Variants in PM20D1 observed in about 807,000 individuals in gnomAD.
PM20D1 encodes the protein peptidase M20 domain containing 1.
Under a neutral mutation model 53.8 loss-of-function variants are expected in PM20D1, and 53 were observed. The observed-to-expected ratio is 0.98, with a 90% CI of 0.79 to 1.24. PM20D1 has a LOEUF of 1.24. Among genes scored for constraint, PM20D1 ranks in the 50% most tolerant of loss-of-function variants. The pLI, the probability that PM20D1 is intolerant of heterozygous loss-of-function variation, is 0.00. For missense variants in PM20D1, 564 were observed against 616.8 expected, an observed-to-expected ratio of 0.91 and a Z score of 0.91; for synonymous variants, 239 against 241.3, an observed-to-expected ratio of 0.99 and a Z score of 0.09.
At position 205,828,569 on chromosome 1, in the gene PM20D1, G is replaced by A; in HGVS notation, c.*51C>T. 6.2e-7 allele frequency: 1 copy of A among 1,609,710 alleles called. No homozygotes were observed. On this transcript the variant is annotated 3_prime_UTR_variant, in exon 13 of 13. Transcript: ENST00000367136. Reference sequence around the variant, plus strand: ...CATCAACACTAGCTTTCCCCCTTGGGTTAGTCCTGTCCCGGGGTCGGGCAT... The same window carrying A: ...CATCAACACTAGCTTTCCCCCTTGGATTAGTCCTGTCCCGGGGTCGGGCAT...
chr1:205,845,539 C>T lies in PM20D1; in HGVS notation c.275G>A (p.Ser92Asn), dbSNP rs1365827321. 2 of 1,614,018 alleles carry T rather than the reference C, an allele frequency of 1.2e-6. No homozygotes were observed. Among genetic ancestry groups the T allele is most frequent in the African/African-American group, 1.3e-5 (1 of 74,916 alleles). Reference sequence around the variant, plus strand: ...GACTTCATGCTGGATAAAGCTGGTGCTGACCACTGTAGGAAAGACTAGAAG... The same window carrying T: ...GACTTCATGCTGGATAAAGCTGGTGTTGACCACTGTAGGAAAGACTAGAAG... ...YIHKVFPTVV[S>N]TSFIQHEVVE... Residue 92 changes from serine to asparagine, a missense_variant, in exon 3 of 13, where the codon AGC (serine) becomes AAC (asparagine). Physicochemically the swap from Ser to Asn is conservative, Grantham distance 46. Coordinates refer to ENST00000367136, the MANE Select transcript of PM20D1 (RefSeq NM_152491.5).
intron 10 of PM20D1, among the ~76,000 whole-genome samples, chr1:205,836,861 G>A (rs567905996): frequency 2.2e-4 from 33 of 152,174 alleles, no homozygotes; most frequent in East Asian, 5.8e-4. Flanking sequence ...AGTACTAGAC[G>A]CATCATAAAC....
chr1:205,828,693 A>C lies in PM20D1; in HGVS notation c.1436T>G (p.Val479Gly), dbSNP rs781601645. The part of the protein sequence containing the change: ...KISVQAYETQ[V>G]KFIFELIQNA... The stretch of plus-strand genomic sequence containing the variant: ...CTGAATCAACTCAAAGATGAATTTC[A>C]CTTGGGTCTCATAGGCTTGGACTGA... The change falls in exon 13 of 13, where the codon GTG becomes GGG. Residue 479 changes from valine (V) to glycine (G), a missense_variant. Coordinates refer to ENST00000367136, the MANE Select transcript of PM20D1 (RefSeq NM_152491.5). 5.8e-5 allele frequency: 94 copies of C among 1,614,006 alleles called. No homozygotes were observed. Among genetic ancestry groups the C allele is most frequent in the Non-Finnish European group, 8.0e-5 (94 of 1,180,000 alleles).
Position 205,844,228 on chromosome 1 carries a change from G to A in PM20D1, c.577-11C>T. 6.2e-7 allele frequency: 1 copy of A among 1,601,278 alleles called. No individual in the cohort carries two copies. The highest frequency in any genetic ancestry group is 8.5e-7 in the Non-Finnish European group (1 of 1,172,648). ...CCCTGTCCCTGATGACTGCAGACAT[G>A]GAACATAGAGCTATAGTCCTTCTCA... On this transcript the variant is annotated splice_polypyrimidine_tract_variant and intron_variant, in intron 4 of 12. Coordinates refer to ENST00000367136, the MANE Select transcript of PM20D1 (RefSeq NM_152491.5).
intron 1 of PM20D1, among the ~76,000 whole-genome samples, chr1:205,848,480 A>G (rs1288110269): frequency 1.3e-5 from 2 of 152,190 alleles, no homozygotes; most frequent in Non-Finnish European, 2.9e-5. Flanking sequence ...AACCAAGACC[A>G]GCTTTTTGGG....
At chr1:205,834,012 T>C (rs1656628250) in intron 10 of PM20D1, among the ~76,000 whole-genome samples, 1 of 151,432 alleles carries the variant, frequency 6.6e-6, no homozygotes. Context: ...TATGCCTGAC[T>C]AATTTTTGTA....
Position 205,832,769 on chromosome 1 carries a change from C to G in PM20D1, c.1117-3G>C. 1 of 1,573,274 alleles carries G rather than the reference C, an allele frequency of 6.4e-7. No individual in the cohort carries two copies. Among genetic ancestry groups the G allele is most frequent in the South Asian group, 1.2e-5 (1 of 85,322 alleles). On this transcript the variant is annotated splice_polypyrimidine_tract_variant and splice_region_variant and intron_variant, in intron 10 of 12. Transcript: ENST00000367136. ...ATGTTCTTCGTGAGTTCTAGGACCTCCAGGGTAGAAACAAAGGGGGTTCGA... is the reference window on the plus strand; with the variant it reads ...ATGTTCTTCGTGAGTTCTAGGACCTGCAGGGTAGAAACAAAGGGGGTTCGA...
At chr1:205,841,740 G>T in intron 9 of PM20D1, 71 bp downstream of exon 9, 1 of 1,396,390 alleles carries the variant, frequency 7.2e-7, no homozygotes, top group Non-Finnish European at 9.9e-7. Context: ...AGAGCCAGTA[G>T]ATAGATTCAA....
In PM20D1 at chr1:205,843,762, G is replaced by A. The variant is rs1381791566; in HGVS notation, c.732C>T (p.Ser244=). ...IALIAVSEKG[S]MNLMLQVNMT... Reference sequence around the variant, plus strand: ...TGTTTACTTGCAGCATGAGGTTCATGGAACCCTTCTCTGAGACTGCAATCC... The same window carrying A: ...TGTTTACTTGCAGCATGAGGTTCATAGAACCCTTCTCTGAGACTGCAATCC... Residue 244 remains serine, a synonymous_variant, in exon 6 of 13, where the codon TCC becomes TCT. Transcript: ENST00000367136. 6.2e-7 allele frequency: 1 copy of A among 1,614,080 alleles called. No individual in the cohort carries two copies. The highest frequency in any genetic ancestry group is 8.5e-7 in the Non-Finnish European group (1 of 1,180,008).
intron 10 of PM20D1, among the ~76,000 whole-genome samples, chr1:205,834,364 T>C (rs2102524294): frequency 1.3e-5 from 2 of 152,288 alleles, no homozygotes; most frequent in South Asian, 4.1e-4. Context: ...CCATGTTGGC[T>C]AGGCTAGTCT....
Position 205,830,338 on chromosome 1 carries a change from G to A in PM20D1, c.1327C>T (p.Leu443Phe). Reference sequence around the variant, plus strand: ...TAGAACCTGTAGATGCCAGTGGTGAGGTTTGTAAAGAATCGGCTGTCTGTG... The same window carrying A: ...TAGAACCTGTAGATGCCAGTGGTGAAGTTTGTAAAGAATCGGCTGTCTGTG... ...GNTDSRFFTN[L>F]TTGIYRFYPI... Residue 443 changes from leucine to phenylalanine, a missense_variant, in exon 12 of 13, where the codon CTC becomes TTC. Leu to Phe is a conservative substitution (Grantham distance 22). Transcript: ENST00000367136. 1.9e-6 allele frequency: 3 copies of A among 1,613,042 alleles called. No individual in the cohort carries two copies. Among genetic ancestry groups the A allele is most frequent in the Non-Finnish European group, 2.5e-6 (3 of 1,179,066 alleles).
At position 205,828,486 on chromosome 1, in the gene PM20D1, T is replaced by G; in HGVS notation, c.*134A>C. Reference sequence around the variant, plus strand: ...ACCCCGGCCTTGTTCTTGGGAGAGTTTAAGAGTGAGCAAGACAGATGGGCA... The same window carrying G: ...ACCCCGGCCTTGTTCTTGGGAGAGTGTAAGAGTGAGCAAGACAGATGGGCA... On this transcript the variant is annotated 3_prime_UTR_variant, in exon 13 of 13. Transcript: ENST00000367136. The G allele has an allele frequency of 7.7e-7, 1 of 1,305,094 alleles. No homozygotes were observed. 80.8% of individuals were successfully genotyped at this position (1,305,094 alleles called of 1,614,324 possible). A position where few individuals can be genotyped will look rare whatever the true frequency, so the allele number is the denominator to read the frequency against.
chr1:205,836,723 G>C (rs1464631949), intron 10 of PM20D1, among the ~76,000 whole-genome samples: 1 of 152,048 alleles, frequency 6.6e-6, no homozygotes, highest in East Asian at 1.9e-4. Context: ...GGCTGGTCTT[G>C]AACTCCTGGC....
chr1:205,835,829 C>A (rs1171470885), intron 10 of PM20D1, among the ~76,000 whole-genome samples: 1 of 152,056 alleles, frequency 6.6e-6, no homozygotes, highest in Non-Finnish European at 1.5e-5. Context: ...TGGTGAGAGA[C>A]CTCAAAGGTG....
chr1:205,832,839 C>A, intron 10 of PM20D1, 73 bp from the exon 11 acceptor site: 1 of 1,454,484 alleles, frequency 6.9e-7, no homozygotes, highest in Non-Finnish European at 9.2e-7. Context: ...CTTAAATATC[C>A]TGATTTCTTT....
rs748596521 is a variant in PM20D1 at position 205,850,063 on chromosome 1, G to T, written c.10C>A (p.Arg4=). Residue 4 remains arginine, a synonymous_variant, in exon 1 of 13, where the codon CGG becomes AGG. Coordinates refer to ENST00000367136, the MANE Select transcript of PM20D1 (RefSeq NM_152491.5). ...ACCAGGGCCAGCACGCAAACGCACC[G>T]CTGAGCCATGCTTCTCTCGAGCTCC... is the stretch of plus-strand genomic sequence containing the variant. MAQ[R]CVCVLALVAM... The T allele has an allele frequency of 1.1e-5, 18 of 1,612,988 alleles. No individual in the cohort carries two copies. Among genetic ancestry groups the T allele is most frequent in the Non-Finnish European group, 1.3e-5 (15 of 1,179,272 alleles).
At position 205,845,549 on chromosome 1, in the gene PM20D1, T is replaced by C. The variant is rs1226046109; in HGVS notation, c.265A>G (p.Thr89Ala). Residue 89 changes from threonine (T) to alanine (A), a missense_variant, in exon 3 of 13, where the codon ACA becomes GCA. By Grantham distance (58) the Thr-to-Ala change is moderately conservative. Transcript: ENST00000367136. ...FGKYIHKVFP[T>A]VVSTSFIQHE... ...TGGATAAAGCTGGTGCTGACCACTG[T>C]AGGAAAGACTAGAAGCAAAAAGGGC... 1 of 1,613,474 alleles carries C rather than the reference T, an allele frequency of 6.2e-7. No homozygotes were observed. The highest frequency in any genetic ancestry group is 1.7e-5 in the Admixed American group (1 of 60,024).
At chr1:205,840,376 T>A (rs1656779851) in intron 9 of PM20D1, 53 bp from the exon 10 acceptor site, 6 of 1,524,268 alleles carry the variant, frequency 3.9e-6, no homozygotes, top group Non-Finnish European at 4.5e-6. Context: ...ATCTTCTACA[T>A]CTGCCTGCCC....
intron 12 of PM20D1, chr1:205,829,806 C>G (rs939598443): frequency 6.4e-6 from 1 of 155,472 alleles, no homozygotes; most frequent in Non-Finnish European, 1.4e-5. Flanking sequence ...TAGTAATTCA[C>G]ACAGAGCAGT....
Sources: gnomAD v4.1 joint callset for allele counts (sites outside exome capture counted in the v4.1 genomes callset) on GRCh38, gnomAD v4.1.1 for gene constraint, MANE v1.5 for transcripts, NCBI Gene and HGNC (gene_info 2026-07-23, HGNC 2026-07-21) for gene names.